The following NHLRC2 variants were observed in gnomAD, a reference collection of about 807,000 sequenced individuals.
The protein encoded by NHLRC2 is NHL repeat containing 2.
In NHLRC2, 33 loss-of-function variants were observed where a neutral mutation model predicts 68.1. The ratio of observed to expected loss-of-function variants is 0.48; its 90% confidence interval spans 0.37 to 0.65. The LOEUF (loss-of-function observed/expected upper bound fraction) is 0.65, where lower values mean the gene tolerates loss of function less well. NHLRC2 is among the 30% of genes least tolerant of loss of function. The probability of loss-of-function intolerance (pLI) is 0.00; values close to 1 mark genes in which losing one functional copy is unlikely to be tolerated. For missense variants in NHLRC2, 761 were observed against 853.8 expected, an observed-to-expected ratio of 0.89 and a Z score of 1.35; for synonymous variants, 311 against 309.6, an observed-to-expected ratio of 1.00 and a Z score of -0.05.
At chr10:113,907,571 G>A (rs1414268057) in intron 10 of NHLRC2, among the ~76,000 whole-genome samples, 1 of 152,166 alleles carries the variant, frequency 6.6e-6, no homozygotes, top group Admixed American at 6.5e-5. Flanking sequence ...GACATTTAAA[G>A]ATGATTTTAA....
chr10:113,860,743 A>G (rs1845808234), intron 2 of NHLRC2, among the ~76,000 whole-genome samples: 1 of 152,250 alleles, frequency 6.6e-6, no homozygotes. Context: ...AGAAGCTAGA[A>G]AGAAATTCTG....
chr10:113,862,111 A>G lies in NHLRC2; in HGVS notation c.331+3431A>G, dbSNP rs116823390. Among the ~76,000 whole-genome samples the G allele has an allele frequency of 5.5e-3, 837 of 152,210 alleles. 8 individuals are homozygous for G. The highest frequency in any genetic ancestry group is 0.019 in the African/African-American group (794 of 41,528). ...GCTAGTCTTGAACTCCTGACCTCAC[A>G]TGATTCGCCCATCTCAGCCTCTCAA... On this transcript the variant is annotated intron_variant, in intron 2 of 10. Coordinates refer to ENST00000369301, the MANE Select transcript of NHLRC2 (RefSeq NM_198514.4).
At position 113,909,802 on chromosome 10, in the gene NHLRC2, C is replaced by G. The variant is rs909184521; in HGVS notation, c.*1266C>G. On this transcript the variant is annotated 3_prime_UTR_variant, in exon 11 of 11. Coordinates refer to ENST00000369301, the MANE Select transcript of NHLRC2 (RefSeq NM_198514.4). ...TCAGCTTACAAGGGTTTAAAAACAT[C>G]AGGTGAACCATGTTTATTTATTCAG... The G allele has an allele frequency of 4.6e-5, 7 of 152,096 alleles. No homozygotes were observed. Among genetic ancestry groups the G allele is most frequent in the Admixed American group, 2.0e-4 (3 of 15,272 alleles). The allele number at this position is 152,096 out of a possible 1,614,324, so 9.4% of individuals were successfully genotyped here.
chr10:113,876,225 AT>A (rs759866553), intron 2 of NHLRC2, among the ~76,000 whole-genome samples: 2 of 152,150 alleles, frequency 1.3e-5, no homozygotes, highest in Admixed American at 6.5e-5. Context: ...TATTAAAAAA[AT>A]AAAGATAATT....
At position 113,915,436 on chromosome 10, in the gene NHLRC2, G is replaced by T. The variant is rs1282460038; in HGVS notation, c.*6900G>T. On this transcript the variant is annotated 3_prime_UTR_variant, in exon 11 of 11. Transcript: ENST00000369301. ...TTAAGTAATATAGCATTAAGCAAATGGTCAGTTATTTTTTAATGTTGAAAA... is the reference window on the plus strand; with the variant it reads ...TTAAGTAATATAGCATTAAGCAAATTGTCAGTTATTTTTTAATGTTGAAAA... 3 of 344,000 alleles carry T rather than the reference G, an allele frequency of 8.7e-6. No individual in the cohort carries two copies. Among genetic ancestry groups the T allele is most frequent in the Non-Finnish European group, 1.7e-5 (3 of 175,278 alleles). The allele number at this position is 344,000 out of a possible 1,614,324, so 21.3% of individuals were successfully genotyped here. A position where few individuals can be genotyped will look rare whatever the true frequency, so the allele number is the denominator to read the frequency against.
intron 3 of NHLRC2, 25 bp downstream of exon 3, chr10:113,877,001 A>G (rs1845989841): frequency 7.4e-7 from 1 of 1,357,726 alleles, no homozygotes; most frequent in Non-Finnish European, 1.0e-6. Flanking sequence ...TGATTACGAT[A>G]GATAACGTGT....
intron 10 of NHLRC2, among the ~76,000 whole-genome samples, chr10:113,907,225 GTAAACTAAAGCAA>G (rs1186612244): frequency 1.3e-5 from 2 of 152,066 alleles, no homozygotes; most frequent in Non-Finnish European, 2.9e-5. Flanking sequence ...TGATTTTTCA[GTAAACTAAAGCAA>G]TAAACTAAAA....
At chr10:113,897,803 A>G (rs1353245398) in intron 5 of NHLRC2, among the ~76,000 whole-genome samples, 1 of 152,234 alleles carries the variant, frequency 6.6e-6, no homozygotes, top group Non-Finnish European at 1.5e-5. Context: ...AACATTGTTA[A>G]TGCTCGTTGT....
intron 2 of NHLRC2, among the ~76,000 whole-genome samples, chr10:113,863,427 A>G (rs1316957904): frequency 6.6e-6 from 1 of 152,140 alleles, no homozygotes; most frequent in Non-Finnish European, 1.5e-5. Context: ...ACGAATGAAA[A>G]CACAATGTAA....
chr10:113,901,938 G>A (rs1198388182), intron 7 of NHLRC2, 41 bp downstream of exon 7: 2 of 1,325,720 alleles, frequency 1.5e-6, no homozygotes, highest in African/African-American at 2.9e-5. Flanking sequence ...CGGACACTGA[G>A]CAAGCTGTCA....
chr10:113,879,531 C>T, intron 3 of NHLRC2, 43 bp from the exon 4 acceptor site: 2 of 1,531,940 alleles, frequency 1.3e-6, no homozygotes, highest in Admixed American at 2.0e-5. Flanking sequence ...TTTTGTTTTA[C>T]CTTGAGATCA....
intron 2 of NHLRC2, among the ~76,000 whole-genome samples, chr10:113,864,418 A>G (rs1389112143): frequency 6.6e-6 from 1 of 152,124 alleles, no homozygotes; most frequent in East Asian, 1.9e-4. Flanking sequence ...CACAAAAATG[A>G]GCCAGGCGTG....
In NHLRC2 at chr10:113,858,899, G is replaced by A. The variant is rs558947561; in HGVS notation, c.331+219G>A. The stretch of plus-strand genomic sequence containing the variant: ...TCTAAAGAACCAGCATTTAGTATAT[G>A]GTTTTTCTCTGCGGATAGGGGCATA... On this transcript the variant is annotated intron_variant, in intron 2 of 10. Coordinates refer to ENST00000369301, the MANE Select transcript of NHLRC2 (RefSeq NM_198514.4). 208 of 372,562 alleles carry A rather than the reference G, an allele frequency of 5.6e-4. 2 individuals carry two copies. The highest frequency in any genetic ancestry group is 2.8e-3 in the Admixed American group (62 of 22,214). 23.1% of individuals were successfully genotyped at this position (372,562 alleles called of 1,614,324 possible).
At chr10:113,875,836 G>A (rs1845974731) in intron 2 of NHLRC2, among the ~76,000 whole-genome samples, 2 of 151,074 alleles carry the variant, frequency 1.3e-5, no homozygotes, top group African/African-American at 4.9e-5. Context: ...TGGGAGATTT[G>A]AATGTTACTT....
At chr10:113,863,238 T>C (rs2134690491) in intron 2 of NHLRC2, among the ~76,000 whole-genome samples, 1 of 152,296 alleles carries the variant, frequency 6.6e-6, no homozygotes, top group South Asian at 2.1e-4. Context: ...TTAATTTCAA[T>C]AGATTTTTTT....
At chr10:113,885,495 A>G (rs1242331036) in intron 5 of NHLRC2, among the ~76,000 whole-genome samples, 1 of 152,024 alleles carries the variant, frequency 6.6e-6, no homozygotes, top group Non-Finnish European at 1.5e-5. Context: ...ACCATGCATT[A>G]GCAATTCTAA....
intron 5 of NHLRC2, among the ~76,000 whole-genome samples, chr10:113,895,416 A>G (rs1589546267): frequency 6.6e-6 from 1 of 152,232 alleles, no homozygotes; most frequent in Non-Finnish European, 1.5e-5. Flanking sequence ...CATGTAAGAT[A>G]GTGATAAATT....
At chr10:113,868,789 T>C (rs1845894509) in intron 2 of NHLRC2, among the ~76,000 whole-genome samples, 1 of 152,216 alleles carries the variant, frequency 6.6e-6, no homozygotes, top group Admixed American at 6.5e-5. Context: ...AAGAAATCTT[T>C]CTTATGAAAG....
At chr10:113,874,975 G>C (rs1397526532) in intron 2 of NHLRC2, among the ~76,000 whole-genome samples, 1 of 151,056 alleles carries the variant, frequency 6.6e-6, no homozygotes, top group Non-Finnish European at 1.5e-5. Flanking sequence ...ATGGAGCATA[G>C]TTATCTAGTT....
Sources: gnomAD v4.1 joint callset for allele counts (sites outside exome capture counted in the v4.1 genomes callset) on GRCh38, gnomAD v4.1.1 for gene constraint, MANE v1.5 for transcripts, NCBI Gene and HGNC (gene_info 2026-07-23, HGNC 2026-07-21) for gene names.